LARGE1: variants seen among roughly 807,000 people sequenced by gnomAD.
LARGE1 encodes the protein LARGE xylosyl- and glucuronyltransferase 1.
LARGE1 carries 43 observed loss-of-function variants against 87.6 expected under a neutral mutation model. The observed-to-expected ratio is 0.49, with a 90% CI of 0.38 to 0.63. The LOEUF (loss-of-function observed/expected upper bound fraction) is 0.63, where lower values mean the gene tolerates loss of function less well. LARGE1 is among the 30% of genes least tolerant of loss of function. The pLI is 0.00. For synonymous variants in LARGE1, 434 were observed against 394.6 expected (o/e 1.10, Z -1.18); for missense variants, 802 against 1,000.2 (o/e 0.80, Z 2.67).
At chr22:33,659,852 T>G (rs944856235) in intron 2 of LARGE1, among the ~76,000 whole-genome samples, 2 of 151,480 alleles carry the variant, frequency 1.3e-5, no homozygotes, top group African/African-American at 4.9e-5. Flanking sequence ...ATAGGCTGAA[T>G]GAGATCTGAC....
chr22:33,536,752 A>G (rs2077055289), intron 6 of LARGE1, among the ~76,000 whole-genome samples: 1 of 152,368 alleles, frequency 6.6e-6, no homozygotes, highest in African/African-American at 2.4e-5. Context: ...GTTTTCACAC[A>G]TGAGGAAACT....
intron 11 of LARGE1, among the ~76,000 whole-genome samples, chr22:33,211,649 T>G (rs1602098817): frequency 6.6e-6 from 1 of 152,152 alleles, no homozygotes; most frequent in Non-Finnish European, 1.5e-5. Context: ...GGCACACACC[T>G]GTAGTCCCAG....
chr22:33,740,232 T>C lies in LARGE1; in HGVS notation c.106+21139A>G, dbSNP rs12483764. 7.3e-3 allele frequency among the ~76,000 whole-genome samples: 1,118 copies of C among 152,290 alleles called. 33 individuals carry two copies. Among genetic ancestry groups the C allele is most frequent in the Admixed American group, 0.061 (939 of 15,288 alleles). On this transcript the variant is annotated intron_variant, in intron 2 of 14. Coordinates refer to ENST00000397394, the MANE Select transcript of LARGE1 (RefSeq NM_133642.5). ...TCAGCCCAGGAGGCATCTTCTTCCA[T>C]GAAAGCTTTCTTGGATGTCCCCAGA...
intron 3 of LARGE1, among the ~76,000 whole-genome samples, chr22:33,632,330 C>T (rs899166560): frequency 1.3e-5 from 2 of 152,102 alleles, no homozygotes; most frequent in African/African-American, 4.8e-5. Context: ...GGCCACGTTG[C>T]CCAAGCTGGT....
chr22:33,616,976 C>T (rs2079599501), intron 4 of LARGE1, among the ~76,000 whole-genome samples: 1 of 152,210 alleles, frequency 6.6e-6, no homozygotes, highest in South Asian at 2.1e-4. Flanking sequence ...ACTTATTCAT[C>T]TCAGAGGAAT....
intron 6 of LARGE1, among the ~76,000 whole-genome samples, chr22:33,446,013 A>AACAAGGC (rs1222330848): frequency 6.6e-6 from 1 of 152,194 alleles, no homozygotes; most frequent in African/African-American, 2.4e-5. Context: ...TGACAGAAGT[A>AACAAGGC]ACAAGGCAGA....
intron 6 of LARGE1, among the ~76,000 whole-genome samples, chr22:33,491,621 A>G (rs2069844860): frequency 6.6e-6 from 1 of 152,236 alleles, no homozygotes; most frequent in Non-Finnish European, 1.5e-5. Flanking sequence ...CTTTGCCTAT[A>G]AAGGAGAAAT....
intron 6 of LARGE1, among the ~76,000 whole-genome samples, chr22:33,502,605 G>A (rs1183284860): frequency 6.6e-6 from 1 of 152,030 alleles, no homozygotes; most frequent in African/African-American, 2.4e-5. Flanking sequence ...GTCTGGCTCT[G>A]CCACCCAGGC....
At position 33,284,985 on chromosome 22, in the gene LARGE1, G is replaced by A. The variant is rs188404578; in HGVS notation, c.1731-1637C>T. The stretch of plus-strand genomic sequence containing the variant: ...AGCTCCTCACTACCTTTGGTCCCTC[G>A]TCCCTAAAATGATGGCAATAACATC... On this transcript the variant is annotated intron_variant, in intron 12 of 14. Transcript: ENST00000397394. Among the ~76,000 whole-genome samples the A allele has an allele frequency of 5.9e-5, 9 of 152,256 alleles. No individual in the cohort carries two copies. In the East Asian group the frequency reaches 1.4e-3, roughly 23 times the overall value.
chr22:33,354,402 T>C (rs1287869750), intron 9 of LARGE1, among the ~76,000 whole-genome samples: 1 of 152,220 alleles, frequency 6.6e-6, no homozygotes, highest in Non-Finnish European at 1.5e-5. Context: ...TCTTGGAGGC[T>C]GCAACTTCAA....
chr22:33,071,688 G>C, the LARGE1 span, among the ~76,000 whole-genome samples: 2 of 152,176 alleles, frequency 1.3e-5, no homozygotes, highest in Non-Finnish European at 2.9e-5. Flanking sequence ...TTATGGACTG[G>C]TGGAATGACT....
At chr22:33,341,086 C>G (rs533088584) in intron 9 of LARGE1, among the ~76,000 whole-genome samples, 3 of 152,198 alleles carry the variant, frequency 2.0e-5, no homozygotes, top group African/African-American at 7.2e-5. Flanking sequence ...ATGTGGAAAG[C>G]CTAATCGCCA....
In LARGE1 at chr22:33,437,159, T is replaced by C. The variant is rs191549299; in HGVS notation, c.788-4894A>G. Reference sequence around the variant, plus strand: ...CACATTAAAGTTTGAGAATTACTGATTGGAGTTTGGAAGCTCCGTTACTGC... The same window carrying C: ...CACATTAAAGTTTGAGAATTACTGACTGGAGTTTGGAAGCTCCGTTACTGC... On this transcript the variant is annotated intron_variant, in intron 6 of 14. Coordinates refer to ENST00000397394, the MANE Select transcript of LARGE1 (RefSeq NM_133642.5). Among the ~76,000 whole-genome samples, 216 of 152,354 alleles carry C rather than the reference T, an allele frequency of 1.4e-3. 2 individuals carry two copies. The highest frequency in any genetic ancestry group is 3.4e-3 in the Middle Eastern group (1 of 294).
chr22:33,479,326 G>A (rs1382727872), intron 6 of LARGE1, among the ~76,000 whole-genome samples: 2 of 152,164 alleles, frequency 1.3e-5, no homozygotes, highest in Non-Finnish European at 2.9e-5. Flanking sequence ...GGCACCTGAT[G>A]AGCATTCAGC....
At chr22:33,791,276 C>A (rs2085815405) in intron 1 of LARGE1, among the ~76,000 whole-genome samples, 1 of 151,516 alleles carries the variant, frequency 6.6e-6, no homozygotes, top group Non-Finnish European at 1.5e-5. Flanking sequence ...TATGGCTGGC[C>A]AAAAAAATTA....
intron 7 of LARGE1, among the ~76,000 whole-genome samples, chr22:33,405,348 CT>C (rs1401628619): frequency 6.6e-6 from 1 of 152,200 alleles, no homozygotes; most frequent in Non-Finnish European, 1.5e-5. Flanking sequence ...ACAGGCCAAG[CT>C]GGAGCCCACA....
At chr22:33,537,485 T>G in intron 6 of LARGE1, among the ~76,000 whole-genome samples, 1 of 152,218 alleles carries the variant, frequency 6.6e-6, no homozygotes, top group East Asian at 1.9e-4. Context: ...GGGGGTCACC[T>G]GTATAGTCCA....
intron 11 of LARGE1, among the ~76,000 whole-genome samples, chr22:33,232,199 G>A (rs1354764390): frequency 6.6e-6 from 1 of 152,192 alleles, no homozygotes; most frequent in East Asian, 1.9e-4. Flanking sequence ...GTTTCTCTCA[G>A]CCTGCAAAAC....
intron 6 of LARGE1, among the ~76,000 whole-genome samples, chr22:33,526,677 C>A (rs1392912298): frequency 6.6e-6 from 1 of 152,258 alleles, no homozygotes; most frequent in Admixed American, 6.5e-5. Flanking sequence ...CCATCAACTG[C>A]AAAGGCTGTT....
Sources: gnomAD v4.1 joint callset for allele counts (sites outside exome capture counted in the v4.1 genomes callset) on GRCh38, gnomAD v4.1.1 for gene constraint, MANE v1.5 for transcripts, NCBI Gene and HGNC (gene_info 2026-07-23, HGNC 2026-07-21) for gene names.